ATAD3A: variants seen among roughly 807,000 people sequenced by gnomAD.
The protein encoded by ATAD3A is ATPase family AAA domain containing 3A, also known as ATPase family AAA domain-containing protein 3A.
In ATAD3A, 46 loss-of-function variants were observed where a neutral mutation model predicts 73.8. The observed-to-expected ratio is 0.62, with a 90% CI of 0.49 to 0.80. ATAD3A has a LOEUF of 0.80. Among genes scored for constraint, ATAD3A ranks in the 30% least tolerant of loss-of-function variants. The probability of loss-of-function intolerance (pLI) is 0.00; values close to 1 mark genes in which losing one functional copy is unlikely to be tolerated. For missense variants in ATAD3A, 705 were observed against 838.0 expected (o/e 0.84, Z 1.96); for synonymous variants, 319 against 350.0 (o/e 0.91, Z 0.99).
intron 12 of ATAD3A, among the ~76,000 whole-genome samples, chr1:1,525,628 A>C (rs1428915560): frequency 6.6e-6 from 1 of 151,988 alleles, no homozygotes; most frequent in Non-Finnish European, 1.5e-5. Context: ...GTTAGCCAGG[A>C]TGGTCTCGAT....
At chr1:1,519,208 A>ACTTCATGG (rs1400305012) in intron 5 of ATAD3A, among the ~76,000 whole-genome samples, 2 of 146,906 alleles carry the variant, frequency 1.4e-5, no homozygotes, top group Non-Finnish European at 3.0e-5. Context: ...GAGCTGCTTC[A>ACTTCATGG]CTTCATGGGA....
Position 1,524,000 on chromosome 1 carries a change from C to G in ATAD3A, c.1089+36C>G. The G allele has an allele frequency of 6.2e-7, 1 of 1,613,182 alleles. No individual in the cohort carries two copies. The highest frequency in any genetic ancestry group is 8.5e-7 in the Non-Finnish European group (1 of 1,179,940). ...CTGGCTGAACAGGTGGGCCAGGGGC[C>G]GCTGGGGTCTCACCTGCCTGCAGGT... On this transcript the variant is annotated intron_variant, in intron 10 of 15. Transcript: ENST00000378756. This position sits in a 1 kb window ranked among gnomAD's most constrained non-coding sequence, Gnocchi z 5.1.
At chr1:1,527,973 T>G in intron 14 of ATAD3A, 111 bp downstream of exon 14, 2 of 1,336,650 alleles carry the variant, frequency 1.5e-6, no homozygotes, top group Non-Finnish European at 2.0e-6. Context: ...TTTTTTTTTT[T>G]TTTGAGACAA....
At chr1:1,533,834 G>A in intron 15 of ATAD3A, 92 bp from the exon 16 acceptor site, 1 of 1,479,366 alleles carries the variant, frequency 6.8e-7, no homozygotes, top group Non-Finnish European at 9.0e-7. Flanking sequence ...TGGAGCCCCT[G>A]GTTTGGTCCC....
chr1:1,517,557 C>T lies in ATAD3A; in HGVS notation c.384+145C>T. The T allele has an allele frequency of 5.1e-6, 4 of 787,986 alleles. No individual in the cohort carries two copies. The South Asian group carries it at 7.4e-5, about 15-fold the overall frequency. The allele number at this position is 787,986 out of a possible 1,614,324, so 48.8% of individuals were successfully genotyped here. A position where few individuals can be genotyped will look rare whatever the true frequency, so the allele number is the denominator to read the frequency against. ...AACGGCCTTGCACAAACGCCTAAGA[C>T]CTGTAAGGTCCCTCACTGCTGAGCC... On this transcript the variant is annotated intron_variant, in intron 3 of 15. Coordinates refer to ENST00000378756, the MANE Select transcript of ATAD3A (RefSeq NM_001170535.3).
rs1180952725 is a variant in ATAD3A at position 1,530,612 on chromosome 1, G to A, written c.1614+1281G>A. On this transcript the variant is annotated intron_variant, in intron 15 of 15. Coordinates refer to ENST00000378756, the MANE Select transcript of ATAD3A (RefSeq NM_001170535.3). ...TGGGAGGCCGAGGCGGGCGGATCAC[G>A]AGGTCAGGAGATCGAGACCATCCCG... 5.0e-5 allele frequency among the ~76,000 whole-genome samples: 6 copies of A among 120,038 alleles called. 2 individuals are homozygous for A. Among genetic ancestry groups the A allele is most frequent in the African/African-American group, 2.7e-4 (5 of 18,220 alleles). The allele number at this position is 120,038 out of a possible 152,430, so 78.7% of individuals were successfully genotyped here. A position where few individuals can be genotyped will look rare whatever the true frequency, so the allele number is the denominator to read the frequency against.
At chr1:1,521,078 T>C (rs1570334160) in intron 7 of ATAD3A, among the ~76,000 whole-genome samples, 1 of 151,396 alleles carries the variant, frequency 6.6e-6, no homozygotes, top group South Asian at 2.1e-4. Context: ...GGCGGGCGGA[T>C]CACGATATCG....
chr1:1,529,320 G>A lies in ATAD3A; in HGVS notation c.1603G>A (p.Val535Met), dbSNP rs750137079. 16 of 1,588,490 alleles carry A rather than the reference G, an allele frequency of 1.0e-5. No individual in the cohort carries two copies. Among genetic ancestry groups the A allele is most frequent in the Non-Finnish European group, 1.1e-5 (13 of 1,168,140 alleles). Residue 535 changes from valine (V) to methionine (M), a missense_variant, in exon 15 of 16, where the codon GTG (valine) becomes ATG (methionine). Coordinates refer to ENST00000378756, the MANE Select transcript of ATAD3A (RefSeq NM_001170535.3). ...MSGREIAQLAVSWQATAYASE... is the reference protein window; with the variant it reads ...MSGREIAQLAMSWQATAYASE... ...GGGCCGGGAGATCGCTCAGCTGGCC[G>A]TGTCCTGGCAGGTGAGTCAGGCTCC... is the stretch of plus-strand genomic sequence containing the variant.
rs1214961188 is a variant in ATAD3A, at chr1:1,520,375, C to T, written c.680+69C>T. On this transcript the variant is annotated intron_variant, in intron 6 of 15. Coordinates refer to ENST00000378756, the MANE Select transcript of ATAD3A (RefSeq NM_001170535.3). The surrounding 1 kb of genome is among the most constrained non-coding windows in gnomAD (Gnocchi z 4.0). ...CAGGTGTGAGTCGCTGGTCCCAGGG[C>T]GCTCTCCAGCTCTTCCAGGCCTTGC... is the stretch of plus-strand genomic sequence containing the variant. The T allele has an allele frequency of 2.0e-5, 32 of 1,595,004 alleles. No individual in the cohort carries two copies. The highest frequency in any genetic ancestry group is 7.8e-5 in the South Asian group (7 of 89,226).
At chr1:1,522,925 T>G in intron 8 of ATAD3A, 26 bp downstream of exon 8, 1 of 1,603,646 alleles carries the variant, frequency 6.2e-7, no homozygotes, top group Non-Finnish European at 8.5e-7. Context: ...TGGCCCTCCC[T>G]GAGTGCAGTT....
chr1:1,529,336 G>T lies in ATAD3A; in HGVS notation c.1614+5G>T. 6.4e-7 allele frequency: 1 copy of T among 1,566,936 alleles called. No homozygotes were observed. The highest frequency in any genetic ancestry group is 1.2e-5 in the South Asian group (1 of 85,724). On this transcript the variant is annotated splice_donor_5th_base_variant and intron_variant, in intron 15 of 15. Transcript: ENST00000378756. The stretch of plus-strand genomic sequence containing the variant: ...CAGCTGGCCGTGTCCTGGCAGGTGA[G>T]TCAGGCTCCGGCACGTCCACCCAGA...
Position 1,534,492 on chromosome 1 carries a change from C to A in ATAD3A, c.*420C>A. 7.8e-6 allele frequency: 7 copies of A among 900,380 alleles called. No homozygotes were observed. Among genetic ancestry groups the A allele is most frequent in the Non-Finnish European group, 1.0e-5 (7 of 683,170 alleles). 55.8% of individuals were successfully genotyped at this position (900,380 alleles called of 1,614,324 possible). A position where few individuals can be genotyped will look rare whatever the true frequency, so the allele number is the denominator to read the frequency against. On this transcript the variant is annotated 3_prime_UTR_variant, in exon 16 of 16. Coordinates refer to ENST00000378756, the MANE Select transcript of ATAD3A (RefSeq NM_001170535.3). ...TGAGGGGGCGCCTGCCAGGGCCAGA[C>A]CCAGGTGGGGCAGCCTGAACCCTGC...
intron 11 of ATAD3A, among the ~76,000 whole-genome samples, chr1:1,524,821 G>A (rs1184409618): frequency 1.5e-4 from 23 of 150,144 alleles, no homozygotes; most frequent in African/African-American, 5.2e-4. Context: ...GTGACCCCGC[G>A]CAGGGCACAG....
chr1:1,515,116 C>T (rs1641314674), intron 1 of ATAD3A, among the ~76,000 whole-genome samples: 1 of 152,184 alleles, frequency 6.6e-6, no homozygotes, highest in African/African-American at 2.4e-5. Flanking sequence ...AAGTCTCTCT[C>T]TGTCTAGCTG....
At chr1:1,530,785 C>T (rs1489272402) in intron 15 of ATAD3A, among the ~76,000 whole-genome samples, 2 of 94,842 alleles carry the variant, frequency 2.1e-5, no homozygotes, top group Non-Finnish European at 3.3e-5. Flanking sequence ...GCCGAGATCC[C>T]GCCACTGCAC....
Position 1,523,751 on chromosome 1 carries a change from GT to G in ATAD3A, c.964-87del. On this transcript the variant is annotated intron_variant, in intron 9 of 15. Transcript: ENST00000378756. This position sits in a 1 kb window ranked among gnomAD's most constrained non-coding sequence, Gnocchi z 5.1. ...GGTGGGAGGCTTCCCGAGGAGCCGAGTCTGCACCCAGGCATTCCCGCAGCCC... is the reference window on the plus strand; with the variant it reads ...GGTGGGAGGCTTCCCGAGGAGCCGAGCTGCACCCAGGCATTCCCGCAGCCC... The G allele has an allele frequency of 1.2e-6, 2 of 1,601,782 alleles. No homozygotes were observed. The highest frequency in any genetic ancestry group is 1.7e-6 in the Non-Finnish European group (2 of 1,173,190).
chr1:1,524,326 G>A lies in ATAD3A; in HGVS notation c.1143G>A (p.Val381=). 2 of 1,613,134 alleles carry A rather than the reference G, an allele frequency of 1.2e-6. No homozygotes were observed. Among genetic ancestry groups the A allele is most frequent in the Non-Finnish European group, 1.7e-6 (2 of 1,179,624 alleles). Residue 381 remains valine, a synonymous_variant, in exon 11 of 16, where the codon GTG becomes GTA. Coordinates refer to ENST00000378756, the MANE Select transcript of ATAD3A (RefSeq NM_001170535.3). ...ACGCCATCATGACAGGCGGGGACGT[G>A]GCCCCCATGGGGCGGGAAGGCGTGA... ...MDYAIMTGGD[V]APMGREGVTA... is the part of the protein sequence containing the mutation.
chr1:1,533,591 C>G (rs561689747), intron 15 of ATAD3A, among the ~76,000 whole-genome samples: 2 of 152,188 alleles, frequency 1.3e-5, no homozygotes, highest in Non-Finnish European at 2.9e-5. Flanking sequence ...TGCCTGGCCA[C>G]GGCTGAGACT....
Position 1,520,536 on chromosome 1 carries a change from C to T in ATAD3A, c.681-12C>T. Reference sequence around the variant, plus strand: ...CGTGTCCTTCCTGGTCACACCACTGCTTTCCCCGCAGGACGGCTGGCACCT... The same window carrying T: ...CGTGTCCTTCCTGGTCACACCACTGTTTTCCCCGCAGGACGGCTGGCACCT... On this transcript the variant is annotated splice_polypyrimidine_tract_variant and intron_variant, in intron 6 of 15. Transcript: ENST00000378756. This position sits in a 1 kb window ranked among gnomAD's most constrained non-coding sequence, Gnocchi z 4.0. 6.2e-7 allele frequency: 1 copy of T among 1,614,096 alleles called. No individual in the cohort carries two copies. The highest frequency in any genetic ancestry group is 2.2e-5 in the East Asian group (1 of 44,892).
Sources: gnomAD v4.1 joint callset for allele counts (sites outside exome capture counted in the v4.1 genomes callset) on GRCh38, gnomAD v4.1.1 for gene constraint, Gnocchi (gnomAD v3.1) non-coding constraint, MANE v1.5 for transcripts, NCBI Gene and HGNC (gene_info 2026-07-23, HGNC 2026-07-21) for gene names.